The following CPNE4 variants were observed in gnomAD, a reference collection of about 807,000 sequenced individuals.
The protein encoded by CPNE4 is copine 4.
CPNE4 carries 25 observed loss-of-function variants against 67.9 expected under a neutral mutation model. That is an observed-to-expected ratio of 0.37 (90% CI 0.27 to 0.51). CPNE4 has a LOEUF of 0.51. Among genes scored for constraint, CPNE4 ranks in the 20% least tolerant of loss-of-function variants. The pLI is 0.93. For missense variants in CPNE4, 464 were observed against 690.8 expected, an observed-to-expected ratio of 0.67 and a Z score of 3.68; for synonymous variants, 242 against 244.9, an observed-to-expected ratio of 0.99 and a Z score of 0.11.
At chr3:131,638,092 A>G (rs578015755) in intron 7 of CPNE4, among the ~76,000 whole-genome samples, 64 of 152,100 alleles carry the variant, frequency 4.2e-4, no homozygotes, top group African/African-American at 1.4e-3. Flanking sequence ...CTTAAAGCAT[A>G]TTTCTCACAG....
At chr3:131,910,337 C>T (rs1239187841) in intron 1 of CPNE4, among the ~76,000 whole-genome samples, 1 of 152,166 alleles carries the variant, frequency 6.6e-6, no homozygotes, top group Non-Finnish European at 1.5e-5. Flanking sequence ...CTTCAGATAT[C>T]ACTGGCCTTA....
intron 7 of CPNE4, among the ~76,000 whole-genome samples, chr3:131,625,579 C>T (rs2079053860): frequency 6.6e-6 from 1 of 152,106 alleles, no homozygotes; most frequent in Admixed American, 6.6e-5. Context: ...GAAAAAAAAT[C>T]TCTTCCAAAA....
At chr3:131,975,861 T>C (rs1225074) in intron 1 of CPNE4, among the ~76,000 whole-genome samples, 76,289 of 151,884 alleles carry the variant, frequency 0.5, 22,472 homozygotes, top group East Asian at 0.71. Flanking sequence ...GACATGCAAA[T>C]AAGGATGACC....
At chr3:131,719,486 T>C (rs1313053253) in intron 3 of CPNE4, among the ~76,000 whole-genome samples, 1 of 152,230 alleles carries the variant, frequency 6.6e-6, no homozygotes, top group East Asian at 1.9e-4. Context: ...ACATTCCTTC[T>C]TTTGAAAGAT....
chr3:131,891,806 C>T (rs1252938075), intron 2 of CPNE4, among the ~76,000 whole-genome samples: 1 of 152,096 alleles, frequency 6.6e-6, no homozygotes, highest in Non-Finnish European at 1.5e-5. Context: ...ACCACATTTT[C>T]TTTATCCAGT....
chr3:131,746,093 A>G (rs2082481079), intron 2 of CPNE4, among the ~76,000 whole-genome samples: 1 of 152,040 alleles, frequency 6.6e-6, no homozygotes, highest in African/African-American at 2.4e-5. Context: ...CAAGTTCTGT[A>G]TATGTTTTCT....
chr3:131,832,882 G>C (rs2085427975), intron 2 of CPNE4, among the ~76,000 whole-genome samples: 1 of 152,176 alleles, frequency 6.6e-6, no homozygotes, highest in Non-Finnish European at 1.5e-5. Flanking sequence ...TGGAGGACCA[G>C]GGGCAGAATG....
intron 15 of CPNE4, among the ~76,000 whole-genome samples, chr3:131,536,892 C>T (rs1396564731): frequency 6.6e-6 from 1 of 152,150 alleles, no homozygotes; most frequent in Admixed American, 6.6e-5. Context: ...AAAGTCAAAT[C>T]CTTGATTTTC....
chr3:131,878,340 T>A (rs2087536462), intron 2 of CPNE4, among the ~76,000 whole-genome samples: 1 of 152,052 alleles, frequency 6.6e-6, no homozygotes, highest in African/African-American at 2.4e-5. Flanking sequence ...GCAAATATAG[T>A]GTTAGATGAA....
chr3:131,550,352 C>T (rs1012224261), intron 13 of CPNE4, among the ~76,000 whole-genome samples: 3 of 152,072 alleles, frequency 2.0e-5, no homozygotes, highest in African/African-American at 7.2e-5. Context: ...TTCATTCGCT[C>T]CTCATAGCAT....
At chr3:131,935,979 A>G (rs2071207345) in intron 1 of CPNE4, among the ~76,000 whole-genome samples, 1 of 152,056 alleles carries the variant, frequency 6.6e-6, no homozygotes, top group African/African-American at 2.4e-5. Context: ...GCTGAGACAG[A>G]CAATGTACAG....
chr3:131,801,387 G>GTGT (rs2084106738), intron 2 of CPNE4, among the ~76,000 whole-genome samples: 1 of 57,652 alleles, frequency 1.7e-5, no homozygotes, highest in Non-Finnish European at 3.1e-5. Context: ...ATATATATAT[G>GTGT]GTACATATAT....
At chr3:131,952,801 G>A (rs956644831) in intron 1 of CPNE4, among the ~76,000 whole-genome samples, 7 of 152,184 alleles carry the variant, frequency 4.6e-5, no homozygotes, top group African/African-American at 1.4e-4. Context: ...GAATAGAAAG[G>A]GGGGAAAGGT....
intron 7 of CPNE4, among the ~76,000 whole-genome samples, chr3:131,644,442 T>C (rs747865823): frequency 1.3e-5 from 2 of 152,306 alleles, no homozygotes; most frequent in Non-Finnish European, 1.5e-5. Flanking sequence ...CCACCAGGCA[T>C]GGCTGAGAAT....
At chr3:131,550,348 C>T (rs533312426) in intron 13 of CPNE4, among the ~76,000 whole-genome samples, 83 of 152,146 alleles carry the variant, frequency 5.5e-4, no homozygotes, top group Non-Finnish European at 7.5e-4. Flanking sequence ...AGATTTCATT[C>T]GCTCCTCATA....
chr3:131,693,227 G>T (rs1222258138), intron 5 of CPNE4, among the ~76,000 whole-genome samples: 2 of 152,098 alleles, frequency 1.3e-5, no homozygotes, highest in Non-Finnish European at 2.9e-5. Context: ...TATAACAGGG[G>T]TTCTCAAACT....
intron 3 of CPNE4, among the ~76,000 whole-genome samples, chr3:131,707,853 A>G (rs11717733): frequency 0.08 from 12,120 of 152,168 alleles, 659 homozygotes; most frequent in Non-Finnish European, 0.11. Flanking sequence ...CAAGCATCAC[A>G]TATAAGGCTC....
intron 3 of CPNE4, among the ~76,000 whole-genome samples, chr3:131,706,237 T>G (rs558267875): frequency 6.6e-6 from 1 of 152,288 alleles, no homozygotes; most frequent in South Asian, 2.1e-4. Context: ...TGAGATACTA[T>G]AGTTAGGCTA....
At chr3:131,881,843 T>G (rs1161610761) in intron 2 of CPNE4, among the ~76,000 whole-genome samples, 1 of 152,204 alleles carries the variant, frequency 6.6e-6, no homozygotes, top group African/African-American at 2.4e-5. Flanking sequence ...GGTGAAGTGG[T>G]CAAATTTATT....
Sources: gnomAD v4.1 joint callset for allele counts (sites outside exome capture counted in the v4.1 genomes callset) on GRCh38, gnomAD v4.1.1 for gene constraint, MANE v1.5 for transcripts, NCBI Gene and HGNC (gene_info 2026-07-23, HGNC 2026-07-21) for gene names.